USO1: variants seen among roughly 807,000 people sequenced by gnomAD.
USO1 encodes USO1 vesicle transport factor.
In USO1, 57 loss-of-function variants were observed where a neutral mutation model predicts 124.5. That is an observed-to-expected ratio of 0.46 (90% CI 0.37 to 0.57). The LOEUF (loss-of-function observed/expected upper bound fraction) is 0.57. Among genes scored for constraint, USO1 ranks in the 20% least tolerant of loss-of-function variants. The pLI is 0.00. For missense variants in USO1, 900 were observed against 1,040.6 expected (o/e 0.86, Z 1.86); for synonymous variants, 369 against 362.8 (o/e 1.02, Z -0.19).
intron 4 of USO1, chr4:75,767,471 A>G (rs1721796902): frequency 4.5e-6 from 2 of 446,160 alleles, no homozygotes; most frequent in African/African-American, 2.0e-5. Context: ...TTGGCCGGGC[A>G]TGGTGGCTCA....
intron 1 of USO1, among the ~76,000 whole-genome samples, chr4:75,739,593 T>G (rs1236667645): frequency 1.4e-5 from 2 of 140,680 alleles, no homozygotes; most frequent in East Asian, 2.2e-4. Context: ...CAGGGTGGAG[T>G]GCAGTGGCGT....
chr4:75,804,979 C>T (rs562042914), intron 18 of USO1, 161 bp from the exon 19 acceptor site: 31 of 867,306 alleles, frequency 3.6e-5, no homozygotes, highest in Non-Finnish European at 5.0e-5. Flanking sequence ...ACTATCAGTT[C>T]ACTATTTTTA....
chr4:75,785,196 C>A (rs769667867), intron 9 of USO1, among the ~76,000 whole-genome samples: 7 of 152,186 alleles, frequency 4.6e-5, no homozygotes, highest in Non-Finnish European at 1.0e-4. Context: ...TTGGGACATA[C>A]ACATTCTGTG....
intron 4 of USO1, among the ~76,000 whole-genome samples, chr4:75,768,012 CTTT>C (rs1222311171): frequency 6.6e-6 from 1 of 151,276 alleles, no homozygotes; most frequent in Non-Finnish European, 1.5e-5. Flanking sequence ...TCTTTAATTT[CTTT>C]TTTTTTCTTC....
chr4:75,730,130 G>A (rs570819146), intron 1 of USO1: 8 of 214,032 alleles, frequency 3.7e-5, no homozygotes, highest in East Asian at 2.8e-4. Flanking sequence ...TTTCTATATC[G>A]AAGCACTCTT....
chr4:75,809,137 T>G (rs977420797), intron 21 of USO1, 86 bp downstream of exon 21: 7 of 1,455,958 alleles, frequency 4.8e-6, no homozygotes, highest in Non-Finnish European at 5.5e-6. Context: ...AGAAACAAAT[T>G]CATCAGATAG....
intron 22 of USO1, among the ~76,000 whole-genome samples, chr4:75,810,905 A>ATT (rs1723130386): frequency 6.6e-6 from 1 of 151,608 alleles, no homozygotes; most frequent in African/African-American, 2.4e-5. Context: ...TAATTTTTGT[A>ATT]TTTTTAGTAC....
At chr4:75,807,735 A>G (rs1352419822) in intron 20 of USO1, among the ~76,000 whole-genome samples, 2 of 152,158 alleles carry the variant, frequency 1.3e-5, no homozygotes, top group Non-Finnish European at 2.9e-5. Flanking sequence ...AGTTACTAAT[A>G]TATAGCCTTA....
At chr4:75,741,966 A>C (rs1440249442) in intron 1 of USO1, among the ~76,000 whole-genome samples, 1 of 152,070 alleles carries the variant, frequency 6.6e-6, no homozygotes, top group African/African-American at 2.4e-5. Flanking sequence ...CATCAATATC[A>C]CTGTCTTCTA....
At chr4:75,727,601 A>G (rs1381203380) in intron 1 of USO1, among the ~76,000 whole-genome samples, 1 of 152,184 alleles carries the variant, frequency 6.6e-6, no homozygotes, top group Non-Finnish European at 1.5e-5. Context: ...AGTGGAGTGT[A>G]TATACAATTT....
chr4:75,787,569 C>T (rs1479402633), intron 10 of USO1, among the ~76,000 whole-genome samples: 2 of 152,064 alleles, frequency 1.3e-5, no homozygotes, highest in African/African-American at 4.8e-5. Flanking sequence ...TTCTTTTCCC[C>T]TAATGTGTGG....
At position 75,804,188 on chromosome 4, in the gene USO1, G is replaced by A; in HGVS notation, c.2041G>A (p.Glu681Lys). 6.2e-7 allele frequency: 1 copy of A among 1,613,458 alleles called. No homozygotes were observed. The highest frequency in any genetic ancestry group is 8.5e-7 in the Non-Finnish European group (1 of 1,179,648). ...GGTTTCTACATTAAAATGTCAAAAT[G>A]AACAGCTCCAGACGGCAGTCACACA... ...QQVSTLKCQN[E>K]QLQTAVTQQV... Residue 681 changes from glutamate to lysine, a missense_variant, in exon 18 of 24, where the codon GAA becomes AAA. This residue lies in a region of USO1 where 362 missense variants were observed against 359.0 expected (regional missense o/e 1.01). Transcript: ENST00000514213.
chr4:75,769,805 A>T (rs1024372353), intron 4 of USO1, among the ~76,000 whole-genome samples: 1 of 151,616 alleles, frequency 6.6e-6, no homozygotes, highest in Admixed American at 6.6e-5. Flanking sequence ...ACATTTAAAC[A>T]TTAAAGACAA....
intron 13 of USO1, among the ~76,000 whole-genome samples, chr4:75,796,334 T>C (rs1722677859): frequency 7.6e-6 from 1 of 131,306 alleles, no homozygotes; most frequent in African/African-American, 2.6e-5. Context: ...GAAAGTTCCA[T>C]CATGCTCTTT....
intron 7 of USO1, among the ~76,000 whole-genome samples, chr4:75,772,569 G>C (rs995856027): frequency 5.9e-5 from 9 of 151,978 alleles, no homozygotes; most frequent in Non-Finnish European, 1.3e-4. Context: ...TAATATTTAA[G>C]TGTCATTTTT....
At chr4:75,744,961 T>A (rs1477614913) in intron 1 of USO1, 2 of 491,362 alleles carry the variant, frequency 4.1e-6, no homozygotes, top group Admixed American at 4.4e-5. Context: ...CTGTTCCAGA[T>A]GTCTTATTTT....
chr4:75,762,457 C>T (rs1235101101), intron 4 of USO1, among the ~76,000 whole-genome samples: 1 of 151,728 alleles, frequency 6.6e-6, no homozygotes, highest in Non-Finnish European at 1.5e-5. Flanking sequence ...CCACCACGCC[C>T]AGCCAGAACA....
intron 9 of USO1, among the ~76,000 whole-genome samples, chr4:75,784,556 T>C (rs544175221): frequency 6.6e-6 from 1 of 152,310 alleles, no homozygotes; most frequent in South Asian, 2.1e-4. Context: ...GACTCACACC[T>C]ATGATCCCAG....
chr4:75,742,409 C>T (rs1419532874), intron 1 of USO1, among the ~76,000 whole-genome samples: 1 of 152,142 alleles, frequency 6.6e-6, no homozygotes, highest in Non-Finnish European at 1.5e-5. Context: ...ACTTGAATGT[C>T]GTTACGTAGG....
Sources: allele counts gnomAD v4.1 joint callset (sites outside exome capture counted in the v4.1 genomes callset), GRCh38; gene constraint gnomAD v4.1.1; regional missense constraint gnomAD v4.1.1; transcripts MANE v1.5; gene names NCBI Gene and HGNC (gene_info 2026-07-23, HGNC 2026-07-21).